TRAPPC9: variants seen among roughly 807,000 people sequenced by gnomAD.
TRAPPC9 encodes IKK2 binding protein.
In TRAPPC9, 83 loss-of-function variants were observed where a neutral mutation model predicts 124.0. That is an observed-to-expected ratio of 0.67 (90% CI 0.56 to 0.80). The LOEUF is 0.80. Among genes scored for constraint, TRAPPC9 ranks in the 30% least tolerant of loss-of-function variants. The pLI is 0.00. For missense variants in TRAPPC9, 1,302 were observed against 1,508.3 expected, an observed-to-expected ratio of 0.86 and a Z score of 2.27; for synonymous variants, 638 against 617.5, an observed-to-expected ratio of 1.03 and a Z score of -0.49.
intron 17 of TRAPPC9, among the ~76,000 whole-genome samples, chr8:140,172,253 C>T (rs553698623): frequency 2.6e-4 from 40 of 152,056 alleles, no homozygotes; most frequent in African/African-American, 8.9e-4. Flanking sequence ...TCCCCAGAGA[C>T]GGGAAGAGAT....
In TRAPPC9 at chr8:139,834,511, G is replaced by A. The variant is rs867870198; in HGVS notation, c.3055+51368C>T. Among the ~76,000 whole-genome samples, 6 of 152,368 alleles carry A rather than the reference G, an allele frequency of 3.9e-5. 1 individual carries two copies. The highest frequency in any genetic ancestry group is 6.8e-3 in the Middle Eastern group (2 of 294). On this transcript the variant is annotated intron_variant, in intron 21 of 22. Transcript: ENST00000438773. ...GCAAGGCACGGGGGACCCCTCCACCGCCAGCAGGCAGGCGGAACGTGGCGT... is the reference window on the plus strand; with the variant it reads ...GCAAGGCACGGGGGACCCCTCCACCACCAGCAGGCAGGCGGAACGTGGCGT...
intron 10 of TRAPPC9, 47 bp from the exon 11 acceptor site, chr8:140,300,661 TG>T (rs1382647904): frequency 1.2e-6 from 2 of 1,612,856 alleles, no homozygotes; most frequent in South Asian, 1.1e-5. Context: ...CTGGTTAGCG[TG>T]GTTTCAGGAT....
chr8:140,317,379 G>C (rs941420435), intron 9 of TRAPPC9, among the ~76,000 whole-genome samples: 1 of 152,164 alleles, frequency 6.6e-6, no homozygotes, highest in Admixed American at 6.5e-5. Flanking sequence ...GTTGGTTCCT[G>C]TGTCCTTTGG....
intron 21 of TRAPPC9, among the ~76,000 whole-genome samples, chr8:139,739,718 C>T (rs1172342916): frequency 6.6e-6 from 1 of 152,254 alleles, no homozygotes; most frequent in African/African-American, 2.4e-5. Flanking sequence ...TTTCTCATGG[C>T]CCTGGCATCT....
At chr8:139,993,845 T>C (rs1156256856) in intron 18 of TRAPPC9, among the ~76,000 whole-genome samples, 2 of 152,174 alleles carry the variant, frequency 1.3e-5, no homozygotes, top group African/African-American at 4.8e-5. Context: ...ATATTATCTA[T>C]AAATATCAAA....
At chr8:139,812,124 G>T (rs1586899968) in intron 21 of TRAPPC9, among the ~76,000 whole-genome samples, 1 of 152,186 alleles carries the variant, frequency 6.6e-6, no homozygotes, top group African/African-American at 2.4e-5. Context: ...GGGTTTGGTG[G>T]TATTGAGAGG....
intron 4 of TRAPPC9, among the ~76,000 whole-genome samples, chr8:140,430,531 A>G (rs2070602495): frequency 6.6e-6 from 1 of 152,200 alleles, no homozygotes; most frequent in Admixed American, 6.5e-5. Context: ...TGACAGGGAG[A>G]GGGCCCCTCG....
intron 21 of TRAPPC9, among the ~76,000 whole-genome samples, chr8:139,816,478 G>A (rs544427677): frequency 3.3e-5 from 5 of 152,296 alleles, no homozygotes; most frequent in Middle Eastern, 3.4e-3. Flanking sequence ...TGGGAGAGAC[G>A]CAAGGGGGCT....
At chr8:139,904,521 C>T (rs1171363418) in intron 20 of TRAPPC9, 1 of 152,246 alleles carries the variant, frequency 6.6e-6, no homozygotes, top group Non-Finnish European at 1.5e-5. Context: ...GGGCCAGAAG[C>T]TATGTCTGCA....
chr8:140,369,070 G>C (rs1361539810), intron 8 of TRAPPC9, among the ~76,000 whole-genome samples: 1 of 152,168 alleles, frequency 6.6e-6, no homozygotes, highest in African/African-American at 2.4e-5. Flanking sequence ...CACAGACCGT[G>C]TGGCTCATAA....
At chr8:139,818,769 G>A (rs1209782100) in intron 21 of TRAPPC9, among the ~76,000 whole-genome samples, 1 of 152,224 alleles carries the variant, frequency 6.6e-6, no homozygotes, top group Non-Finnish European at 1.5e-5. Flanking sequence ...AATGTGAGCT[G>A]TCCAAGTGGA....
chr8:139,887,217 C>CTTT (rs1221275448), intron 20 of TRAPPC9, among the ~76,000 whole-genome samples: 13 of 130,580 alleles, frequency 1.0e-4, no homozygotes, highest in African/African-American at 1.7e-4. Context: ...CCTATTTTAG[C>CTTT]TTTTTTTTTT....
intron 9 of TRAPPC9, among the ~76,000 whole-genome samples, chr8:140,330,073 C>T (rs1340715565): frequency 6.6e-6 from 1 of 151,980 alleles, no homozygotes; most frequent in Non-Finnish European, 1.5e-5. Flanking sequence ...GAGCGAAACT[C>T]AGTCTCAAAA....
intron 21 of TRAPPC9, among the ~76,000 whole-genome samples, chr8:139,758,496 T>G (rs1302547847): frequency 6.6e-6 from 1 of 152,164 alleles, no homozygotes. Context: ...AAATGAGGCC[T>G]GGTGCCCTTC....
intron 15 of TRAPPC9, among the ~76,000 whole-genome samples, chr8:140,269,944 C>G (rs1287748379): frequency 6.6e-6 from 1 of 151,986 alleles, no homozygotes; most frequent in Non-Finnish European, 1.5e-5. Context: ...ACTAAAAATA[C>G]AAAAAATTAG....
intron 21 of TRAPPC9, among the ~76,000 whole-genome samples, chr8:139,859,281 T>A (rs997750374): frequency 9.9e-5 from 15 of 152,010 alleles, no homozygotes; most frequent in Non-Finnish European, 1.8e-4. Context: ...CCAGGAGCTT[T>A]TAGGCCGGCT....
At chr8:140,356,509 T>C (rs903690255) in intron 9 of TRAPPC9, among the ~76,000 whole-genome samples, 9 of 152,306 alleles carry the variant, frequency 5.9e-5, no homozygotes, top group South Asian at 2.1e-4. Flanking sequence ...GGGGAAGATA[T>C]GGCCCATGCC....
chr8:139,803,350 C>T (rs565572113), intron 21 of TRAPPC9, among the ~76,000 whole-genome samples: 5 of 152,224 alleles, frequency 3.3e-5, no homozygotes, highest in African/African-American at 4.8e-5. Flanking sequence ...CCTCCAGCCC[C>T]GTGGGCAGAA....
At position 139,752,156 on chromosome 8, in the gene TRAPPC9, C is replaced by A. The variant is rs139515185; in HGVS notation, c.3056-19954G>T. Among the ~76,000 whole-genome samples the A allele has an allele frequency of 2.3e-3, 351 of 150,690 alleles. 1 individual carries two copies. Among genetic ancestry groups the A allele is most frequent in the African/African-American group, 5.9e-3 (243 of 40,978 alleles). On this transcript the variant is annotated intron_variant, in intron 21 of 22. Transcript: ENST00000438773. ...ATCTATATATCGATCCATCTATATA[C>A]CATCCATCCACTACCATCTATCCGC...
Sources: gnomAD v4.1 joint callset for allele counts (sites outside exome capture counted in the v4.1 genomes callset) on GRCh38, gnomAD v4.1.1 for gene constraint, MANE v1.5 for transcripts, NCBI Gene and HGNC (gene_info 2026-07-23, HGNC 2026-07-21) for gene names.